Variants in AHDC1 observed in about 807,000 individuals in gnomAD.
The protein encoded by AHDC1 is transcription factor Gibbin.
A neutral mutation model predicts 87.9 loss-of-function variants in AHDC1; 7 were observed. The ratio of observed to expected loss-of-function variants is 0.08; its 90% CI spans 0.05 to 0.15. AHDC1 has a LOEUF of 0.15. Among genes scored for constraint, AHDC1 ranks in the 10% least tolerant of loss-of-function variants. The pLI is 1.00. For synonymous variants in AHDC1, 1,051 were observed against 1,006.8 expected (o/e 1.04, Z -0.83); for missense variants, 1,841 against 2,253.2 (o/e 0.82, Z 3.70).
At chr1:27,541,001 T>TAAA (rs55912405) in intron 8 of AHDC1, among the ~76,000 whole-genome samples, 48 of 72,318 alleles carry the variant, frequency 6.6e-4, no homozygotes, top group Admixed American at 9.5e-4. Context: ...CTAAAAATGC[T>TAAA]AAAAAAAAAA....
chr1:27,551,204 A>C lies in AHDC1; in HGVS notation c.912T>G (p.Ala304=). Residue 304 remains alanine, a synonymous_variant, in exon 8 of 9, where the codon GCT becomes GCG. Transcript: ENST00000673934. ...ALELPPLQPL[A]DPLGLPGLAL... is the part of the protein sequence containing the mutation. ...CCAGGCCCGGCAGCCCCAGAGGATC[A>C]GCAAGAGGTTGCAGGGGTGGCAGCT... is the stretch of plus-strand genomic sequence containing the variant. 3 of 1,610,342 alleles carry C rather than the reference A, an allele frequency of 1.9e-6. No homozygotes were observed. Among genetic ancestry groups the C allele is most frequent in the Non-Finnish European group, 2.5e-6 (3 of 1,179,568 alleles).
At chr1:27,602,318 C>T (rs1292792580) in intron 3 of AHDC1, among the ~76,000 whole-genome samples, 1 of 152,146 alleles carries the variant, frequency 6.6e-6, no homozygotes, top group Non-Finnish European at 1.5e-5. Context: ...GGGACAGCCC[C>T]AGCTCCCGCC....
At chr1:27,589,308 C>T (rs759108834) in intron 3 of AHDC1, among the ~76,000 whole-genome samples, 24 of 152,164 alleles carry the variant, frequency 1.6e-4, no homozygotes, top group African/African-American at 2.4e-4. Flanking sequence ...CGGGTGTGCA[C>T]GCCTGTGCTC....
In AHDC1 at chr1:27,549,119, G is replaced by A. The variant is rs1292114703; in HGVS notation, c.2997C>T (p.Ser999=). 6 of 1,552,204 alleles carry A rather than the reference G, an allele frequency of 3.9e-6. 1 individual carries two copies. In the South Asian group the frequency reaches 6.0e-5, roughly 16 times the overall value. Residue 999 remains serine (S), a synonymous_variant, in exon 8 of 9, where the codon AGC becomes AGT. Coordinates refer to ENST00000673934, the MANE Select transcript of AHDC1 (RefSeq NM_001371928.1). The stretch of plus-strand genomic sequence containing the variant: ...GGCTGTTGCCACTGCCATAGGCGAA[G>A]CTGCAGTCCTTGCTGTTAGCGCAGT... The part of the protein sequence containing the change: ...GQDCANSKDC[S]FAYGSGNSLP...
intron 8 of AHDC1, among the ~76,000 whole-genome samples, chr1:27,541,001 T>TAAAA (rs55912405): frequency 2.3e-4 from 17 of 72,366 alleles, no homozygotes; most frequent in South Asian, 6.4e-4. Context: ...CTAAAAATGC[T>TAAAA]AAAAAAAAAA....
Position 27,558,856 on chromosome 1 carries a change from A to G in AHDC1, c.-601T>C. On this transcript the variant is annotated 5_prime_UTR_variant, in exon 4 of 9. Coordinates refer to ENST00000673934, the MANE Select transcript of AHDC1 (RefSeq NM_001371928.1). This position sits in a 1 kb window ranked among gnomAD's most constrained non-coding sequence, Gnocchi z 5.6. ...TGGGTGGGCTCTGGGGTCCAGGCCG[A>G]TGGGTTGACAATCAGGCAAGCTCCC... 2 of 398,590 alleles carry G rather than the reference A, an allele frequency of 5.0e-6. No individual in the cohort carries two copies. Among genetic ancestry groups the G allele is most frequent in the Non-Finnish European group, 8.8e-6 (2 of 226,088 alleles). 24.7% of individuals were successfully genotyped at this position (398,590 alleles called of 1,614,324 possible). A position where few individuals can be genotyped will look rare whatever the true frequency, so the allele number is the denominator to read the frequency against.
intron 5 of AHDC1, among the ~76,000 whole-genome samples, chr1:27,556,597 CA>C (rs1207797389): frequency 6.6e-6 from 1 of 152,098 alleles, no homozygotes; most frequent in East Asian, 1.9e-4. Context: ...ATACAAATAA[CA>C]ATGATGGCAA....
At chr1:27,587,372 C>T (rs1014463629) in intron 3 of AHDC1, among the ~76,000 whole-genome samples, 2 of 152,202 alleles carry the variant, frequency 1.3e-5, no homozygotes, top group Non-Finnish European at 2.9e-5. Flanking sequence ...AGGCCCGTTC[C>T]ACAACTTTCC....
intron 3 of AHDC1, among the ~76,000 whole-genome samples, chr1:27,586,728 C>T (rs1242114118): frequency 6.6e-6 from 1 of 152,196 alleles, no homozygotes; most frequent in Admixed American, 6.5e-5. Context: ...CCACCTGGCT[C>T]TGCCACCCCA....
At chr1:27,564,253 T>C (rs1367142318) in intron 3 of AHDC1, among the ~76,000 whole-genome samples, 2 of 152,118 alleles carry the variant, frequency 1.3e-5, no homozygotes, top group East Asian at 3.9e-4. Context: ...CTGGGTGACC[T>C]TGGAGCAGCA....
intron 8 of AHDC1, among the ~76,000 whole-genome samples, chr1:27,542,995 A>T (rs1345596696): frequency 6.6e-6 from 1 of 152,224 alleles, no homozygotes; most frequent in African/African-American, 2.4e-5. Flanking sequence ...CACAGGCAAG[A>T]TCAAGTGACC....
chr1:27,574,916 A>G (rs2088666512), intron 3 of AHDC1, among the ~76,000 whole-genome samples: 1 of 152,026 alleles, frequency 6.6e-6, no homozygotes, highest in Non-Finnish European at 1.5e-5. Flanking sequence ...CCTTCTCTGG[A>G]CTCTGGGGCC....
chr1:27,538,156 C>CT (rs2018730959), intron 8 of AHDC1, among the ~76,000 whole-genome samples: 1 of 152,026 alleles, frequency 6.6e-6, no homozygotes, highest in Non-Finnish European at 1.5e-5. Flanking sequence ...AATCCCAGCA[C>CT]TTTGGGAGGC....
chr1:27,540,628 AG>A (rs2018861425), intron 8 of AHDC1, among the ~76,000 whole-genome samples: 2 of 152,178 alleles, frequency 1.3e-5, no homozygotes, highest in South Asian at 4.2e-4. Flanking sequence ...AGTGAAAGAT[AG>A]GAACTGACAG....
chr1:27,576,493 CATAA>C (rs2088754651), intron 3 of AHDC1, among the ~76,000 whole-genome samples: 1 of 152,224 alleles, frequency 6.6e-6, no homozygotes, highest in African/African-American at 2.4e-5. Context: ...ATAAGGCCTC[CATAA>C]AGTAGGTAAT....
At chr1:27,597,105 C>T (rs1422105524) in intron 3 of AHDC1, among the ~76,000 whole-genome samples, 1 of 152,204 alleles carries the variant, frequency 6.6e-6, no homozygotes, top group Non-Finnish European at 1.5e-5. Flanking sequence ...ACTGAGAGGA[C>T]CTTCTGCCTC....
rs1285429056 is a variant in AHDC1, at chr1:27,534,671, TTGTC to T, written c.*285_*288del. On this transcript the variant is annotated 3_prime_UTR_variant, in exon 9 of 9. Transcript: ENST00000673934. ...CGCTCTCTCTCTCTCTTTTTTTTTT[TTGTC>T]TTTTTCTAAAACTGTGTTTTGTTTT... 2 of 152,544 alleles carry T rather than the reference TTGTC, an allele frequency of 1.3e-5. No individual in the cohort carries two copies. Among genetic ancestry groups the T allele is most frequent in the African/African-American group, 2.4e-5 (1 of 41,416 alleles). The allele number at this position is 152,544 out of a possible 1,614,324, so 9.4% of individuals were successfully genotyped here. A position where few individuals can be genotyped will look rare whatever the true frequency, so the allele number is the denominator to read the frequency against.
chr1:27,603,995 G>C (rs1235420344), intron 1 of AHDC1, 111 bp downstream of exon 1: 3 of 149,168 alleles, frequency 2.0e-5, no homozygotes, highest in African/African-American at 7.4e-5. Context: ...CTGCGAGCGG[G>C]GCTGAGCGCA....
rs2019305603 is a variant in AHDC1 at position 27,548,317 on chromosome 1, C to T, written c.3799G>A (p.Gly1267Arg). ...ASGYPSKRST[G>R]PRQPRGGRGG... ...CGTCCACCTCGCGGCTGCCGGGGCCCAGTGCTCCGTTTGGATGGGTAGCCT... is the reference window on the plus strand; with the variant it reads ...CGTCCACCTCGCGGCTGCCGGGGCCTAGTGCTCCGTTTGGATGGGTAGCCT... Residue 1267 changes from glycine (G) to arginine (R), a missense_variant, in exon 8 of 9, where the codon GGG becomes AGG. This residue lies in a region of AHDC1 where 505 missense variants were observed against 626.2 expected (regional missense o/e 0.81). Coordinates refer to ENST00000673934, the MANE Select transcript of AHDC1 (RefSeq NM_001371928.1). 1 of 1,606,566 alleles carries T rather than the reference C, an allele frequency of 6.2e-7. No individual in the cohort carries two copies.
Sources: gnomAD v4.1 joint callset for allele counts (sites outside exome capture counted in the v4.1 genomes callset) on GRCh38, gnomAD v4.1.1 for gene constraint, gnomAD v4.1.1 regional missense constraint, Gnocchi (gnomAD v3.1) non-coding constraint, MANE v1.5 for transcripts, NCBI Gene and HGNC (gene_info 2026-07-23, HGNC 2026-07-21) for gene names.